The following RTKN2 variants were observed in gnomAD, a reference collection of about 807,000 sequenced individuals.
RTKN2 encodes rhotekin 2.
In RTKN2, 69 loss-of-function variants were observed where a neutral mutation model predicts 71.5. That is an observed-to-expected ratio of 0.96 (90% CI 0.79 to 1.18). The LOEUF is 1.18. Among genes scored for constraint, RTKN2 ranks in the 50% most tolerant of loss-of-function variants. RTKN2 has a pLI of 0.00. For synonymous variants in RTKN2, 236 were observed against 236.5 expected (o/e 1.00, Z 0.02); for missense variants, 724 against 719.7 (o/e 1.01, Z -0.07).
At chr10:62,255,391 G>T in intron 2 of RTKN2, among the ~76,000 whole-genome samples, 1 of 152,116 alleles carries the variant, frequency 6.6e-6, no homozygotes, top group Non-Finnish European at 1.5e-5. Flanking sequence ...TAGGCATGGG[G>T]CAGGGAAAAT....
chr10:62,186,886 C>T (rs1412151039), intron 8 of RTKN2, among the ~76,000 whole-genome samples: 1 of 152,014 alleles, frequency 6.6e-6, no homozygotes, highest in Non-Finnish European at 1.5e-5. Context: ...TACATTTTTC[C>T]CAAAATATTT....
chr10:62,193,376 T>G lies in RTKN2; in HGVS notation c.*4532A>C. On this transcript the variant is annotated 3_prime_UTR_variant, in exon 12 of 12. Transcript: ENST00000373789. ...TAAGATCTGGAATGATCTTTTCTAA[T>G]TATTAAACGTGTCAGCATTAGTATT... 1.0e-6 allele frequency: 1 copy of G among 981,888 alleles called. No homozygotes were observed. Among genetic ancestry groups the G allele is most frequent in the Non-Finnish European group, 1.2e-6 (1 of 826,672 alleles). 60.8% of individuals were successfully genotyped at this position (981,888 alleles called of 1,614,324 possible). A position where few individuals can be genotyped will look rare whatever the true frequency, so the allele number is the denominator to read the frequency against.
At chr10:62,216,813 G>C (rs1272478652) in intron 9 of RTKN2, among the ~76,000 whole-genome samples, 1 of 152,048 alleles carries the variant, frequency 6.6e-6, no homozygotes, top group Admixed American at 6.6e-5. Flanking sequence ...AACAATTTAT[G>C]TTTAATCTCT....
rs532110817 is a variant in RTKN2, at chr10:62,193,856, T to C, written c.*4052A>G. Reference sequence around the variant, plus strand: ...CATTTTAATAATGTTAATTATACCATGGCTTATCAGAATGTTAGTCTTATA... The same window carrying C: ...CATTTTAATAATGTTAATTATACCACGGCTTATCAGAATGTTAGTCTTATA... On this transcript the variant is annotated 3_prime_UTR_variant, in exon 12 of 12. Transcript: ENST00000373789. 56 of 978,396 alleles carry C rather than the reference T, an allele frequency of 5.7e-5. No homozygotes were observed. The African/African-American group carries it at 9.4e-4, about 16-fold the overall frequency. 60.6% of individuals were successfully genotyped at this position (978,396 alleles called of 1,614,324 possible). A position where few individuals can be genotyped will look rare whatever the true frequency, so the allele number is the denominator to read the frequency against.
At chr10:62,265,083 G>C (rs1192254868) in intron 1 of RTKN2, among the ~76,000 whole-genome samples, 1 of 131,370 alleles carries the variant, frequency 7.6e-6, no homozygotes, top group Non-Finnish European at 1.6e-5. Flanking sequence ...AGTAGAGAAA[G>C]AAAATGTAAA....
chr10:62,188,896 T>C (rs560510477), downstream of RTKN2, among the ~76,000 whole-genome samples: 2 of 151,840 alleles, frequency 1.3e-5, no homozygotes, highest in African/African-American at 4.8e-5. Flanking sequence ...TACAGGCGCT[T>C]GCCACCACGC....
At chr10:62,248,161 A>G (rs1842512067) in intron 2 of RTKN2, among the ~76,000 whole-genome samples, 1 of 152,140 alleles carries the variant, frequency 6.6e-6, no homozygotes. Flanking sequence ...AGGACTGGTA[A>G]GCAAACTTAG....
chr10:62,207,629 T>TA (rs1257754522), intron 9 of RTKN2, among the ~76,000 whole-genome samples: 1 of 152,124 alleles, frequency 6.6e-6, no homozygotes, highest in Non-Finnish European at 1.5e-5. Context: ...TGTGTTTATA[T>TA]AAGTGACTCC....
chr10:62,208,804 C>T (rs372988392), intron 9 of RTKN2, among the ~76,000 whole-genome samples: 5 of 152,098 alleles, frequency 3.3e-5, no homozygotes, highest in African/African-American at 7.2e-5. Flanking sequence ...AAAAATACTA[C>T]CAGTTTGTAA....
chr10:62,202,328 G>A (rs1841461238), intron 10 of RTKN2, among the ~76,000 whole-genome samples: 1 of 152,132 alleles, frequency 6.6e-6, no homozygotes, highest in Non-Finnish European at 1.5e-5. Context: ...CTTAAATAGA[G>A]TCAAATAATT....
intron 3 of RTKN2, among the ~76,000 whole-genome samples, chr10:62,244,546 CA>C (rs1554814413): frequency 7.3e-5 from 5 of 68,404 alleles, no homozygotes; most frequent in African/African-American, 2.2e-4. Flanking sequence ...AGCAACTTAA[CA>C]TATGTCATTT....
intron 2 of RTKN2, among the ~76,000 whole-genome samples, chr10:62,252,976 T>C (rs966492513): frequency 3.3e-5 from 5 of 152,032 alleles, no homozygotes; most frequent in Admixed American, 2.6e-4. Flanking sequence ...GTTAACATAA[T>C]ATAAAAGAAT....
chr10:62,215,987 C>G (rs1340351618), intron 9 of RTKN2, among the ~76,000 whole-genome samples: 1 of 151,414 alleles, frequency 6.6e-6, no homozygotes, highest in Non-Finnish European at 1.5e-5. Flanking sequence ...CAAAACAAAA[C>G]AGTTTAAACA....
chr10:62,250,969 T>A (rs183921591), intron 2 of RTKN2, among the ~76,000 whole-genome samples: 1 of 152,138 alleles, frequency 6.6e-6, no homozygotes, highest in Admixed American at 6.6e-5. Flanking sequence ...CCATTCTGAG[T>A]AGTGTAATGA....
chr10:62,243,913 A>G (rs1842429699), intron 3 of RTKN2, among the ~76,000 whole-genome samples: 1 of 152,246 alleles, frequency 6.6e-6, no homozygotes, highest in African/African-American at 2.4e-5. Context: ...TGGTTTATTC[A>G]TTAAATTAGT....
chr10:62,208,336 C>T (rs1239098439), intron 9 of RTKN2, among the ~76,000 whole-genome samples: 1 of 149,466 alleles, frequency 6.7e-6, no homozygotes, highest in Non-Finnish European at 1.5e-5. Context: ...CTAAAAACAT[C>T]AGAGCTTTTC....
intron 10 of RTKN2, among the ~76,000 whole-genome samples, chr10:62,203,464 C>A (rs979127294): frequency 1.3e-5 from 2 of 152,002 alleles, no homozygotes; most frequent in African/African-American, 4.8e-5. Context: ...CCTGCCTCAG[C>A]CTCCCAAGTA....
At position 62,236,192 on chromosome 10, in the gene RTKN2, G is replaced by A. The variant is rs145539217; in HGVS notation, c.560C>T (p.Thr187Ile). 1.9e-6 allele frequency: 3 copies of A among 1,611,158 alleles called. No individual in the cohort carries two copies. The highest frequency in any genetic ancestry group is 2.5e-6 in the Non-Finnish European group (3 of 1,178,004). ...YSCCTEESSITNTPKKLAKKL... is the reference protein window; with the variant it reads ...YSCCTEESSIINTPKKLAKKL... ...CTTAGCTAGCTTTTTTGGTGTGTTG[G>A]TTATAGAAGATTCTTCTGTACAGCA... The change falls in exon 6 of 12, where the codon ACC becomes ATC. Residue 187 changes from threonine to isoleucine, a missense_variant. Thr to Ile is a moderately conservative substitution (Grantham distance 89). Coordinates refer to ENST00000373789, the MANE Select transcript of RTKN2 (RefSeq NM_145307.4).
chr10:62,212,061 T>C (rs1014477935), intron 9 of RTKN2, among the ~76,000 whole-genome samples: 1 of 151,970 alleles, frequency 6.6e-6, no homozygotes, highest in Non-Finnish European at 1.5e-5. Flanking sequence ...GAATACATTG[T>C]TCGAGACCAC....
Sources: gnomAD v4.1 joint callset for allele counts (sites outside exome capture counted in the v4.1 genomes callset) on GRCh38, gnomAD v4.1.1 for gene constraint, MANE v1.5 for transcripts, NCBI Gene and HGNC (gene_info 2026-07-23, HGNC 2026-07-21) for gene names.